The following LARGE1 variants were observed in gnomAD, a reference collection of about 807,000 sequenced individuals.
The protein encoded by LARGE1 is xylosyl- and glucuronyltransferase LARGE1.
Under a neutral mutation model 87.6 loss-of-function variants are expected in LARGE1, and 43 were observed. That is an observed-to-expected ratio of 0.49 (90% CI 0.38 to 0.63). The LOEUF is 0.63. LARGE1 is among the 30% of genes least tolerant of loss of function. The pLI is 0.00. For synonymous variants in LARGE1, 434 were observed against 394.6 expected, an observed-to-expected ratio of 1.10 and a Z score of -1.18; for missense variants, 802 against 1,000.2, an observed-to-expected ratio of 0.80 and a Z score of 2.67.
intron 2 of LARGE1, among the ~76,000 whole-genome samples, chr22:33,728,062 T>C (rs1258422026): frequency 1.3e-5 from 2 of 152,178 alleles, no homozygotes; most frequent in Non-Finnish European, 2.9e-5. Context: ...GATCCAGCAA[T>C]GTCTTGCTCA....
At chr22:33,557,403 G>T (rs1267970634) in intron 6 of LARGE1, among the ~76,000 whole-genome samples, 1 of 152,140 alleles carries the variant, frequency 6.6e-6, no homozygotes, top group African/African-American at 2.4e-5. Flanking sequence ...GTTAAGAGAG[G>T]CAGAGAAAGC....
chr22:33,776,481 A>G (rs1210280719), intron 1 of LARGE1, among the ~76,000 whole-genome samples: 2 of 152,218 alleles, frequency 1.3e-5, no homozygotes, highest in African/African-American at 2.4e-5. Flanking sequence ...CCAAGGTCAG[A>G]CTACAGCTTC....
chr22:33,772,281 C>T (rs1202216856), intron 1 of LARGE1, among the ~76,000 whole-genome samples: 1 of 151,874 alleles, frequency 6.6e-6, no homozygotes, highest in Non-Finnish European at 1.5e-5. Flanking sequence ...TGTAGTGAGC[C>T]GAGATCACGC....
intron 11 of LARGE1, among the ~76,000 whole-genome samples, chr22:33,192,229 T>C (rs377179687): frequency 6.6e-6 from 1 of 152,238 alleles, no homozygotes; most frequent in Non-Finnish European, 1.5e-5. Flanking sequence ...TTTGCCCTTT[T>C]AGAGGTGAAG....
chr22:33,690,293 A>G (rs1275550963), intron 2 of LARGE1, among the ~76,000 whole-genome samples: 1 of 152,230 alleles, frequency 6.6e-6, no homozygotes, highest in Non-Finnish European at 1.5e-5. Flanking sequence ...CTTAGACCTC[A>G]GTTTCCTCCT....
At chr22:33,582,701 G>A (rs2078556981) in intron 5 of LARGE1, among the ~76,000 whole-genome samples, 1 of 152,128 alleles carries the variant, frequency 6.6e-6, no homozygotes, top group African/African-American at 2.4e-5. Flanking sequence ...ACTGAACCAA[G>A]GGCTCCAAGC....
intron 2 of LARGE1, among the ~76,000 whole-genome samples, chr22:33,711,351 C>A (rs1407692623): frequency 6.6e-6 from 1 of 152,184 alleles, no homozygotes; most frequent in African/African-American, 2.4e-5. Context: ...GTTCTAACCC[C>A]TGTGTTAAAA....
chr22:33,071,376 G>A, the LARGE1 span, among the ~76,000 whole-genome samples: 10 of 152,190 alleles, frequency 6.6e-5, no homozygotes, highest in Non-Finnish European at 1.5e-4. Context: ...GTAGGTAGGA[G>A]ATGTTTATAC....
chr22:33,200,148 A>G (rs936179304), intron 11 of LARGE1, among the ~76,000 whole-genome samples: 8 of 152,072 alleles, frequency 5.3e-5, no homozygotes, highest in African/African-American at 1.7e-4. Flanking sequence ...CGCCCAGCCG[A>G]CACTCTTTTA....
chr22:33,130,172 G>C, the LARGE1 span, among the ~76,000 whole-genome samples: 3 of 151,356 alleles, frequency 2.0e-5, no homozygotes, highest in Non-Finnish European at 4.4e-5. Flanking sequence ...AAATTAGCCG[G>C]GCGTGGTGGT....
rs1602216881 is a variant in LARGE1 at position 33,517,302 on chromosome 22, A to G, written c.787+47546T>C. On this transcript the variant is annotated intron_variant, in intron 6 of 14. Transcript: ENST00000397394. ...CCCCTCTCTGTCCCATCATCACCCA[A>G]CAAGTACTAAAGACGCACTCTAACC... Among the ~76,000 whole-genome samples the G allele has an allele frequency of 5.3e-5, 8 of 152,242 alleles. No homozygotes were observed. The South Asian group carries it at 1.5e-3, about 28-fold the overall frequency.
At chr22:33,689,894 T>C (rs563546328) in intron 2 of LARGE1, among the ~76,000 whole-genome samples, 3 of 151,750 alleles carry the variant, frequency 2.0e-5, no homozygotes, top group Admixed American at 6.6e-5. Flanking sequence ...GCCATTGCAC[T>C]CCAGCCTGGG....
chr22:33,192,615 G>T (rs1446084249), intron 11 of LARGE1, among the ~76,000 whole-genome samples: 1 of 152,102 alleles, frequency 6.6e-6, no homozygotes, highest in Non-Finnish European at 1.5e-5. Context: ...TCCATTCCAT[G>T]GGTTGTCTCT....
chr22:33,844,963 C>T (rs2063388295), intron 1 of LARGE1, among the ~76,000 whole-genome samples: 1 of 152,010 alleles, frequency 6.6e-6, no homozygotes, highest in African/African-American at 2.4e-5. Flanking sequence ...CGTGAGCCAC[C>T]CGCCTCGGCC....
intron 6 of LARGE1, among the ~76,000 whole-genome samples, chr22:33,495,820 C>G (rs920209871): frequency 2.0e-5 from 3 of 152,172 alleles, no homozygotes; most frequent in African/African-American, 7.2e-5. Flanking sequence ...TCACGGTAGA[C>G]TCTAACTGGA....
At position 33,420,065 on chromosome 22, in the gene LARGE1, C is replaced by T. The variant is rs561598619; in HGVS notation, c.892+12096G>A. 4.6e-5 allele frequency among the ~76,000 whole-genome samples: 7 copies of T among 152,286 alleles called. No individual in the cohort carries two copies. In the South Asian group the frequency reaches 1.0e-3, roughly 23 times the overall value. ...TCCCTGGCCTCTACCCACTAAGTGCCCGTAGAACCTCCTGGCTGTGACAAG... is the reference window on the plus strand; with the variant it reads ...TCCCTGGCCTCTACCCACTAAGTGCTCGTAGAACCTCCTGGCTGTGACAAG... On this transcript the variant is annotated intron_variant, in intron 7 of 14. Coordinates refer to ENST00000397394, the MANE Select transcript of LARGE1 (RefSeq NM_133642.5).
At chr22:33,296,247 A>G (rs1933232791) in intron 12 of LARGE1, among the ~76,000 whole-genome samples, 1 of 152,244 alleles carries the variant, frequency 6.6e-6, no homozygotes, top group African/African-American at 2.4e-5. Flanking sequence ...TTCAGATCCC[A>G]CTTGCATGGA....
rs2080761001 is a variant in LARGE1 at position 33,650,451 on chromosome 22, A to C, written c.324T>G (p.Thr108=). Residue 108 remains threonine (T), a synonymous_variant, in exon 3 of 15, where the codon ACT becomes ACG. Transcript: ENST00000397394. ...HSKTYSMEEG[T]GDSENLRAGI... The stretch of plus-strand genomic sequence containing the variant: ...CAGCCCGAAGGTTCTCGCTGTCTCC[A>C]GTGCCCTCCTCCATGGAGTAGGTCT... 6.2e-7 allele frequency: 1 copy of C among 1,614,010 alleles called. No individual in the cohort carries two copies. Among genetic ancestry groups the C allele is most frequent in the Non-Finnish European group, 8.5e-7 (1 of 1,180,048 alleles).
intron 4 of LARGE1, among the ~76,000 whole-genome samples, chr22:33,607,230 G>C (rs2079290251): frequency 6.6e-6 from 1 of 152,116 alleles, no homozygotes; most frequent in African/African-American, 2.4e-5. Context: ...GGGAGGCCGA[G>C]GTGGGCGGAT....
Sources: allele counts gnomAD v4.1 joint callset (sites outside exome capture counted in the v4.1 genomes callset), GRCh38; gene constraint gnomAD v4.1.1; transcripts MANE v1.5; gene names NCBI Gene and HGNC (gene_info 2026-07-23, HGNC 2026-07-21).